ZC3H8: variants seen among roughly 807,000 people sequenced by gnomAD.
The protein encoded by ZC3H8 is zinc finger CCCH-type containing 8, also known as zinc finger CCCH domain-containing protein 8.
A neutral mutation model predicts 42.5 loss-of-function variants in ZC3H8; 27 were observed. The ratio of observed to expected loss-of-function variants is 0.64; its 90% CI spans 0.47 to 0.88. The LOEUF (loss-of-function observed/expected upper bound fraction) is 0.88, where lower values mean the gene tolerates loss of function less well. ZC3H8 is among the 40% of genes least tolerant of loss of function. ZC3H8 has a pLI of 0.00. For missense variants in ZC3H8, 277 were observed against 336.1 expected, an observed-to-expected ratio of 0.82 and a Z score of 1.37; for synonymous variants, 101 against 110.1, an observed-to-expected ratio of 0.92 and a Z score of 0.52.
At chr2:112,222,263 G>A (rs752955004) in intron 8 of ZC3H8, among the ~76,000 whole-genome samples, 2 of 152,146 alleles carry the variant, frequency 1.3e-5, no homozygotes, top group Non-Finnish European at 2.9e-5. Flanking sequence ...GCCCTAATCT[G>A]TTGTTGTCTG....
chr2:112,232,387 AAACT>A (rs1248404654), intron 6 of ZC3H8, among the ~76,000 whole-genome samples: 1 of 152,100 alleles, frequency 6.6e-6, no homozygotes, highest in East Asian at 1.9e-4. Flanking sequence ...ATGAGATAAT[AAACT>A]AACTGGAATA....
intron 2 of ZC3H8, among the ~76,000 whole-genome samples, chr2:112,242,606 T>C (rs942208946): frequency 1.3e-5 from 2 of 152,192 alleles, no homozygotes; most frequent in African/African-American, 4.8e-5. Context: ...GCGCAGTGAA[T>C]TGTGGATTAT....
At chr2:112,230,984 A>G (rs1685061000) in intron 7 of ZC3H8, 34 bp from the exon 8 acceptor site, 2 of 1,182,396 alleles carry the variant, frequency 1.7e-6, no homozygotes, top group Non-Finnish European at 2.2e-6. Flanking sequence ...AATCATTTTT[A>G]TGCATTCATG....
chr2:112,254,661 G>T (rs1480038019), intron 1 of ZC3H8, among the ~76,000 whole-genome samples: 1 of 152,184 alleles, frequency 6.6e-6, no homozygotes, highest in African/African-American at 2.4e-5. Context: ...CCGCTCCCCC[G>T]CCCAGGCTCT....
chr2:112,230,415 G>A (rs1309799546), intron 8 of ZC3H8, among the ~76,000 whole-genome samples: 1 of 152,118 alleles, frequency 6.6e-6, no homozygotes, highest in Non-Finnish European at 1.5e-5. Flanking sequence ...ACAAGAGTTA[G>A]TATTTTTAAA....
At chr2:112,227,865 T>C (rs1022022651) in intron 8 of ZC3H8, among the ~76,000 whole-genome samples, 1 of 150,606 alleles carries the variant, frequency 6.6e-6, no homozygotes, top group Non-Finnish European at 1.5e-5. Flanking sequence ...CAGAATTCTA[T>C]GTGCAATTTT....
At chr2:112,237,637 G>A (rs1685397128) in intron 3 of ZC3H8, among the ~76,000 whole-genome samples, 1 of 151,302 alleles carries the variant, frequency 6.6e-6, no homozygotes, top group South Asian at 2.1e-4. Flanking sequence ...AGTGCACTGT[G>A]TGATCTCGGC....
chr2:112,234,657 G>C (rs2104656298), intron 4 of ZC3H8, among the ~76,000 whole-genome samples: 1 of 152,198 alleles, frequency 6.6e-6, no homozygotes, highest in African/African-American at 2.4e-5. Flanking sequence ...AAAATTAGCT[G>C]GGAGTGGTGG....
intron 2 of ZC3H8, chr2:112,240,337 T>C (rs984656970): frequency 6.6e-6 from 1 of 152,238 alleles, no homozygotes; most frequent in South Asian, 2.1e-4. Context: ...TATGAAAAGG[T>C]TGGCCGACTC....
intron 1 of ZC3H8, among the ~76,000 whole-genome samples, chr2:112,251,084 A>C (rs1190376977): frequency 6.6e-6 from 1 of 152,246 alleles, no homozygotes; most frequent in African/African-American, 2.4e-5. Context: ...GATACTAGAA[A>C]TATAGGGAGC....
At chr2:112,248,264 T>C (rs1277107460) in intron 2 of ZC3H8, among the ~76,000 whole-genome samples, 2 of 148,466 alleles carry the variant, frequency 1.3e-5, no homozygotes, top group Non-Finnish European at 3.0e-5. Context: ...AGAAGGAGGT[T>C]GCAGTGAGCC....
chr2:112,222,702 G>A (rs553184896), intron 8 of ZC3H8, among the ~76,000 whole-genome samples: 8 of 152,294 alleles, frequency 5.3e-5, no homozygotes, highest in Non-Finnish European at 8.8e-5. Context: ...TCACTTATAT[G>A]AGATATCTAA....
Position 112,249,704 on chromosome 2 carries a change from A to T in ZC3H8, c.156+487T>A, listed in dbSNP as rs190372769. Among the ~76,000 whole-genome samples the T allele has an allele frequency of 6.0e-3, 917 of 152,286 alleles. 14 individuals carry two copies. Among genetic ancestry groups the T allele is most frequent in the Middle Eastern group, 0.034 (10 of 294 alleles). On this transcript the variant is annotated intron_variant, in intron 2 of 8. Coordinates refer to ENST00000409573, the MANE Select transcript of ZC3H8 (RefSeq NM_032494.3). ...CATGATCCATCCACCTCGGCCTCCC[A>T]AAGTGCTGGGACTACAGGCGTGAGC...
At chr2:112,234,078 A>G in intron 5 of ZC3H8, 42 bp downstream of exon 5, 1 of 1,099,634 alleles carries the variant, frequency 9.1e-7, no homozygotes, top group African/African-American at 1.6e-5. Flanking sequence ...CAGAAAGAGC[A>G]GTTTTACATT....
chr2:112,221,353 C>T (rs1256502155), intron 8 of ZC3H8, among the ~76,000 whole-genome samples: 1 of 152,026 alleles, frequency 6.6e-6, no homozygotes, highest in Non-Finnish European at 1.5e-5. Flanking sequence ...CCTCCCCACT[C>T]TCTCTCTCTT....
chr2:112,238,699 TAAAAAA>T, intron 2 of ZC3H8, 171 bp from the exon 3 acceptor site: 3 of 462,018 alleles, frequency 6.5e-6, no homozygotes, highest in Non-Finnish European at 1.1e-5. Context: ...TTTCCAGAAT[TAAAAAA>T]AAGAAAAAAT....
At chr2:112,253,195 T>C (rs1025578802) in intron 1 of ZC3H8, among the ~76,000 whole-genome samples, 2 of 152,022 alleles carry the variant, frequency 1.3e-5, no homozygotes, top group African/African-American at 4.8e-5. Context: ...GTGCTTATTT[T>C]CCCCTTACCC....
At position 112,212,686 on chromosome 2, in the gene ZC3H8, GT is replaced by G. The variant is rs1684178222; in HGVS notation, c.*3797del. ...CAGCTTCTTCCCAACTTTCCTCTCT[GT>G]TTTCTTCAGCTAGCACCCCTTGAAA... On this transcript the variant is annotated 3_prime_UTR_variant, in exon 9 of 9. Transcript: ENST00000409573. 1.3e-5 allele frequency: 2 copies of G among 152,116 alleles called. No homozygotes were observed. 9.4% of individuals were successfully genotyped at this position (152,116 alleles called of 1,614,324 possible). A position where few individuals can be genotyped will look rare whatever the true frequency, so the allele number is the denominator to read the frequency against.
chr2:112,245,563 A>G (rs150081526), intron 2 of ZC3H8, among the ~76,000 whole-genome samples: 26 of 152,318 alleles, frequency 1.7e-4, no homozygotes, highest in African/African-American at 5.8e-4. Context: ...CTGAAGCAGG[A>G]GAATCGCTTG....
Sources: gnomAD v4.1 joint callset for allele counts (sites outside exome capture counted in the v4.1 genomes callset) on GRCh38, gnomAD v4.1.1 for gene constraint, MANE v1.5 for transcripts, NCBI Gene and HGNC (gene_info 2026-07-23, HGNC 2026-07-21) for gene names.